The following ARHGAP24 variants were observed in gnomAD, a reference collection of about 807,000 sequenced individuals.
ARHGAP24 encodes the protein rho GTPase-activating protein 24.
Under a neutral mutation model 76.4 loss-of-function variants are expected in ARHGAP24, and 50 were observed. That is an observed-to-expected ratio of 0.65 (90% confidence interval 0.52 to 0.83). The LOEUF (loss-of-function observed/expected upper bound fraction) is 0.83. ARHGAP24 is among the 40% of genes least tolerant of loss of function. The pLI, the probability that ARHGAP24 is intolerant of heterozygous loss-of-function variation, is 0.00. For missense variants in ARHGAP24, 930 were observed against 914.2 expected (o/e 1.02, Z -0.22); for synonymous variants, 345 against 323.3 (o/e 1.07, Z -0.72).
In ARHGAP24 at chr4:85,517,112, T is replaced by C. The variant is rs114801354; in HGVS notation, c.-21+41553T>C. On this transcript the variant is annotated intron_variant, in intron 1 of 9. Coordinates refer to ENST00000395184, the MANE Select transcript of ARHGAP24 (RefSeq NM_001025616.3). Reference sequence around the variant, plus strand: ...TGGTCCATTTCGGGATTTTCCCTTTTGTTCTGTTGGTCTATCCGCCTATAC... The same window carrying C: ...TGGTCCATTTCGGGATTTTCCCTTTCGTTCTGTTGGTCTATCCGCCTATAC... Among the ~76,000 whole-genome samples the C allele has an allele frequency of 6.6e-3, 1,006 of 152,278 alleles. 9 individuals are homozygous for C. The highest frequency in any genetic ancestry group is 0.023 in the African/African-American group (941 of 41,556).
At chr4:85,622,428 A>C (rs1201456670) in intron 2 of ARHGAP24, among the ~76,000 whole-genome samples, 2 of 151,810 alleles carry the variant, frequency 1.3e-5, no homozygotes, top group African/African-American at 2.4e-5. Context: ...ACATGAACTC[A>C]TCATTTTTTG....
intron 3 of ARHGAP24, among the ~76,000 whole-genome samples, chr4:85,746,537 C>A (rs1460553281): frequency 6.6e-6 from 1 of 152,058 alleles, no homozygotes; most frequent in African/African-American, 2.4e-5. Flanking sequence ...CATACCCTAA[C>A]CTCTATTGTG....
chr4:85,818,559 A>G (rs1729340174), intron 3 of ARHGAP24, among the ~76,000 whole-genome samples: 1 of 152,198 alleles, frequency 6.6e-6, no homozygotes, highest in African/African-American at 2.4e-5. Flanking sequence ...GTAAATTAGG[A>G]AAGAAATGTT....
intron 3 of ARHGAP24, among the ~76,000 whole-genome samples, chr4:85,833,001 G>A (rs1355176597): frequency 1.3e-5 from 2 of 152,160 alleles, no homozygotes; most frequent in Non-Finnish European, 2.9e-5. Flanking sequence ...CAGAGAGGAA[G>A]GAAAGCAAAG....
chr4:85,868,269 G>A (rs987333357), intron 3 of ARHGAP24, among the ~76,000 whole-genome samples: 1 of 152,068 alleles, frequency 6.6e-6, no homozygotes, highest in African/African-American at 2.4e-5. Flanking sequence ...TTAAGGTAAG[G>A]GTTGTGGAAG....
chr4:85,955,343 G>A (rs1426308387), intron 5 of ARHGAP24, among the ~76,000 whole-genome samples: 2 of 151,576 alleles, frequency 1.3e-5, no homozygotes, highest in African/African-American at 4.9e-5. Context: ...TTTTCCTAGG[G>A]TTGCCATAAA....
chr4:85,820,471 C>T (rs955812098), intron 3 of ARHGAP24, among the ~76,000 whole-genome samples: 3 of 152,054 alleles, frequency 2.0e-5, no homozygotes, highest in Non-Finnish European at 4.4e-5. Context: ...ACAACAGACA[C>T]TAGGCCCTAC....
chr4:85,844,991 C>T (rs1158174823), intron 3 of ARHGAP24, among the ~76,000 whole-genome samples: 1 of 152,126 alleles, frequency 6.6e-6, no homozygotes, highest in Admixed American at 6.5e-5. Context: ...TATCATTGAC[C>T]GAGAGGTTGG....
chr4:85,717,756 G>A (rs59325380), intron 2 of ARHGAP24, among the ~76,000 whole-genome samples: 7,503 of 152,016 alleles, frequency 0.049, 561 homozygotes, highest in African/African-American at 0.17. Context: ...ATGACACTCT[G>A]TTCTTAAACT....
At chr4:85,723,880 A>T (rs1725051546) in intron 3 of ARHGAP24, 1 of 152,154 alleles carries the variant, frequency 6.6e-6, no homozygotes, top group South Asian at 2.1e-4. Flanking sequence ...ATAATGTGGG[A>T]TCTGTATCAG....
chr4:85,686,623 T>C (rs1723430973), intron 2 of ARHGAP24: 1 of 152,180 alleles, frequency 6.6e-6, no homozygotes, highest in Admixed American at 6.5e-5. Flanking sequence ...GTAGTAGAGA[T>C]GCTCTCTCTT....
chr4:85,704,385 A>G (rs926145111), intron 2 of ARHGAP24, among the ~76,000 whole-genome samples: 5 of 152,118 alleles, frequency 3.3e-5, no homozygotes, highest in African/African-American at 1.2e-4. Flanking sequence ...TTGGCATCAA[A>G]CCCCTTATTT....
intron 3 of ARHGAP24, among the ~76,000 whole-genome samples, chr4:85,753,054 G>C (rs1379748430): frequency 1.3e-5 from 2 of 152,096 alleles, no homozygotes; most frequent in South Asian, 2.1e-4. Flanking sequence ...TTGGGAAAAG[G>C]TTTTCGATGG....
At chr4:85,646,040 T>C (rs1339520643) in intron 2 of ARHGAP24, among the ~76,000 whole-genome samples, 1 of 151,884 alleles carries the variant, frequency 6.6e-6, no homozygotes, top group East Asian at 1.9e-4. Context: ...CTATCTTTTG[T>C]TGAAAATTTA....
chr4:85,749,953 AGCAGCAGCAGCG>A (rs903787033), intron 3 of ARHGAP24, among the ~76,000 whole-genome samples: 1 of 152,000 alleles, frequency 6.6e-6, no homozygotes, highest in African/African-American at 2.4e-5. Context: ...TCTCAGCAGC[AGCAGCAGCAGCG>A]GCAGCAGCAG....
chr4:85,943,719 T>G (rs887324352), intron 5 of ARHGAP24, among the ~76,000 whole-genome samples: 10 of 152,064 alleles, frequency 6.6e-5, no homozygotes, highest in Admixed American at 2.6e-4. Context: ...GTTTGGTTTT[T>G]TGTTCCTGTG....
chr4:85,670,340 G>T (rs895652258), intron 2 of ARHGAP24, among the ~76,000 whole-genome samples: 3 of 152,156 alleles, frequency 2.0e-5, no homozygotes, highest in South Asian at 4.1e-4. Flanking sequence ...CTTGCCCATA[G>T]TGTTTGGAAC....
chr4:85,978,583 G>T (rs1739468455), intron 8 of ARHGAP24, among the ~76,000 whole-genome samples: 1 of 152,170 alleles, frequency 6.6e-6, no homozygotes, highest in Non-Finnish European at 1.5e-5. Context: ...TATCTGAGGA[G>T]TTTAGCAGAC....
intron 1 of ARHGAP24, among the ~76,000 whole-genome samples, chr4:85,487,825 T>A (rs1723176372): frequency 8.3e-6 from 1 of 120,010 alleles, no homozygotes; most frequent in African/African-American, 3.3e-5. Flanking sequence ...TATAAACATA[T>A]TTATTACATA....
Sources: allele counts gnomAD v4.1 joint callset (sites outside exome capture counted in the v4.1 genomes callset), GRCh38; gene constraint gnomAD v4.1.1; transcripts MANE v1.5; gene names NCBI Gene and HGNC (gene_info 2026-07-23, HGNC 2026-07-21).